Variants in CDK14 observed in about 807,000 individuals in gnomAD.
The protein encoded by CDK14 is cyclin-dependent kinase 14.
CDK14 carries 34 observed loss-of-function variants against 60.7 expected under a neutral mutation model. The ratio of observed to expected loss-of-function variants is 0.56; its 90% CI spans 0.43 to 0.75. CDK14 has a LOEUF of 0.75. Ranked by LOEUF, CDK14 falls within the 30% of genes least tolerant of loss-of-function variation. The pLI is 0.00. For missense variants in CDK14, 482 were observed against 564.1 expected (o/e 0.85, Z 1.47); for synonymous variants, 197 against 203.7 (o/e 0.97, Z 0.28).
At chr7:91,032,002 C>G (rs907843523) in intron 10 of CDK14, among the ~76,000 whole-genome samples, 1 of 152,108 alleles carries the variant, frequency 6.6e-6, no homozygotes, top group African/African-American at 2.4e-5. Context: ...GTGAGTCAAT[C>G]GAGATGAATT....
At chr7:91,113,399 GC>G (rs1475912349) in intron 13 of CDK14, among the ~76,000 whole-genome samples, 1 of 152,170 alleles carries the variant, frequency 6.6e-6, no homozygotes, top group African/African-American at 2.4e-5. Context: ...TATTTATACA[GC>G]CTTTTAAAAT....
At chr7:91,040,149 C>T (rs1039494628) in intron 10 of CDK14, among the ~76,000 whole-genome samples, 15 of 152,190 alleles carry the variant, frequency 9.9e-5, no homozygotes, top group African/African-American at 3.1e-4. Context: ...CCTTTCTCCT[C>T]GCCTTCCACC....
intron 2 of CDK14, among the ~76,000 whole-genome samples, chr7:90,697,401 G>T (rs1163414256): frequency 6.6e-6 from 1 of 151,976 alleles, no homozygotes; most frequent in East Asian, 1.9e-4. Context: ...TTGCTGTGTT[G>T]GCCAGCCTTG....
chr7:90,626,497 A>G (rs944967197), intron 2 of CDK14, among the ~76,000 whole-genome samples: 10 of 152,218 alleles, frequency 6.6e-5, no homozygotes, highest in Non-Finnish European at 1.3e-4. Context: ...ATCTGTGATT[A>G]TCTGTAATTT....
intron 6 of CDK14, among the ~76,000 whole-genome samples, chr7:90,897,573 C>T (rs1005540187): frequency 1.3e-5 from 2 of 151,954 alleles, no homozygotes; most frequent in South Asian, 2.1e-4. Flanking sequence ...CATATACTGG[C>T]TTCAAAAACA....
At chr7:90,932,764 T>C (rs1457492213) in intron 8 of CDK14, among the ~76,000 whole-genome samples, 1 of 152,212 alleles carries the variant, frequency 6.6e-6, no homozygotes, top group African/African-American at 2.4e-5. Flanking sequence ...GTCCCTTCAG[T>C]CTGCACAGTC....
At chr7:90,772,030 T>C (rs983481482) in intron 4 of CDK14, among the ~76,000 whole-genome samples, 2 of 152,234 alleles carry the variant, frequency 1.3e-5, no homozygotes, top group African/African-American at 4.8e-5. Context: ...GATGGACTTT[T>C]GGGATAGAGA....
intron 2 of CDK14, among the ~76,000 whole-genome samples, chr7:90,637,969 T>C (rs1251926587): frequency 7.3e-6 from 1 of 136,864 alleles, no homozygotes; most frequent in Non-Finnish European, 1.5e-5. Context: ...CTGCCTTTTT[T>C]TGTTTTCCAT....
Position 91,060,444 on chromosome 7 carries a change from T to A in CDK14, c.1105+14484T>A, listed in dbSNP as rs934459010. 1.1e-4 allele frequency among the ~76,000 whole-genome samples: 16 copies of A among 152,322 alleles called. 1 individual carries two copies. The highest frequency in any genetic ancestry group is 6.2e-4 in the South Asian group (3 of 4,826). On this transcript the variant is annotated intron_variant, in intron 11 of 14. Transcript: ENST00000380050. ...ATGTGTGAATTTGATCCTGTCATTA[T>A]GATGTTAGCTGGTGATTTTGCGCGT...
rs576494213 is a variant in CDK14 at position 91,057,844 on chromosome 7, C to A, written c.1105+11884C>A. The stretch of plus-strand genomic sequence containing the variant: ...TAGTTTGAAGTCAGGTAGCGTGATG[C>A]CTCCAGCTTTGTTCTTTTGGCTTAG... On this transcript the variant is annotated intron_variant, in intron 11 of 14. Coordinates refer to ENST00000380050, the MANE Select transcript of CDK14 (RefSeq NM_001287135.2). Among the ~76,000 whole-genome samples the A allele has an allele frequency of 3.7e-4, 57 of 152,204 alleles. No individual in the cohort carries two copies. The East Asian group carries it at 9.5e-3, about 25-fold the overall frequency.
At chr7:90,969,649 A>G (rs1054262554) in intron 9 of CDK14, among the ~76,000 whole-genome samples, 1 of 152,208 alleles carries the variant, frequency 6.6e-6, no homozygotes, top group Non-Finnish European at 1.5e-5. Flanking sequence ...TGCCTGGACT[A>G]TGCTTATTCC....
intron 5 of CDK14, among the ~76,000 whole-genome samples, chr7:90,808,534 G>T (rs146113388): frequency 0.2 from 30,892 of 152,112 alleles, 3,274 homozygotes; most frequent in South Asian, 0.24. Context: ...AAAGACCATC[G>T]AGGCTAGGAA....
chr7:90,726,765 A>C lies in CDK14; in HGVS notation c.322A>C (p.Thr108Pro). Reference protein sequence around the residue: ...NACINFKTSSTGKESPKVRRH... With the variant: ...NACINFKTSSPGKESPKVRRH... ...TTGCATTAACTTTAAGACCTCCTCCACTGGCAAAGAGTCACCTAAAGTTAG... is the reference window on the plus strand; with the variant it reads ...TTGCATTAACTTTAAGACCTCCTCCCCTGGCAAAGAGTCACCTAAAGTTAG... Residue 108 changes from threonine to proline, a missense_variant, in exon 3 of 15, where the codon ACT becomes CCT. Coordinates refer to ENST00000380050, the MANE Select transcript of CDK14 (RefSeq NM_001287135.2). The C allele has an allele frequency of 6.2e-7, 1 of 1,613,704 alleles. No homozygotes were observed. The highest frequency in any genetic ancestry group is 8.5e-7 in the Non-Finnish European group (1 of 1,179,796).
At chr7:90,648,804 AT>A (rs1314454904) in intron 2 of CDK14, among the ~76,000 whole-genome samples, 1 of 152,240 alleles carries the variant, frequency 6.6e-6, no homozygotes, top group Non-Finnish European at 1.5e-5. Context: ...TCTGGCCCAA[AT>A]AAATAGGAAA....
chr7:90,627,890 G>A (rs1313309384), intron 2 of CDK14, among the ~76,000 whole-genome samples: 1 of 152,156 alleles, frequency 6.6e-6, no homozygotes, highest in Non-Finnish European at 1.5e-5. Context: ...TCAGTTTTAT[G>A]CTCCTAAAAT....
At chr7:90,959,377 T>C (rs1488137473) in intron 9 of CDK14, among the ~76,000 whole-genome samples, 2 of 152,174 alleles carry the variant, frequency 1.3e-5, no homozygotes, top group African/African-American at 4.8e-5. Flanking sequence ...GTTATTATCC[T>C]ATAAGTCAAA....
intron 2 of CDK14, among the ~76,000 whole-genome samples, chr7:90,626,437 T>A (rs146511427): frequency 3.9e-4 from 60 of 152,328 alleles, no homozygotes; most frequent in African/African-American, 1.2e-3. Context: ...CACCTCTTTT[T>A]GTTTGGCTAC....
intron 6 of CDK14, among the ~76,000 whole-genome samples, chr7:90,870,943 A>G (rs1791352378): frequency 6.6e-6 from 1 of 152,236 alleles, no homozygotes; most frequent in South Asian, 2.1e-4. Context: ...ATTTAAAACA[A>G]GAATAGAAAT....
At chr7:90,977,644 TG>T (rs1165740821) in intron 9 of CDK14, among the ~76,000 whole-genome samples, 5 of 152,244 alleles carry the variant, frequency 3.3e-5, no homozygotes, top group Admixed American at 1.3e-4. Context: ...CTTTGTCACA[TG>T]GCTGAGATAG....
Sources: gnomAD v4.1 joint callset for allele counts (sites outside exome capture counted in the v4.1 genomes callset) on GRCh38, gnomAD v4.1.1 for gene constraint, MANE v1.5 for transcripts, NCBI Gene and HGNC (gene_info 2026-07-23, HGNC 2026-07-21) for gene names.